The following FARSB variants were observed in gnomAD, a reference collection of about 807,000 sequenced individuals.
FARSB encodes phenylalanine--tRNA ligase beta subunit.
A neutral mutation model predicts 69.6 loss-of-function variants in FARSB; 40 were observed. The ratio of observed to expected loss-of-function variants is 0.57; its 90% CI spans 0.45 to 0.75. The LOEUF is 0.75. Among genes scored for constraint, FARSB ranks in the 30% least tolerant of loss-of-function variants. The pLI is 0.00. For synonymous variants in FARSB, 235 were observed against 247.2 expected (o/e 0.95, Z 0.46); for missense variants, 632 against 722.9 (o/e 0.87, Z 1.44).
intron 1 of FARSB, among the ~76,000 whole-genome samples, chr2:222,651,834 G>C (rs973602445): frequency 1.3e-5 from 2 of 152,186 alleles, no homozygotes; most frequent in African/African-American, 2.4e-5. Flanking sequence ...GCAGTAAGTA[G>C]ACTGAGAAAA....
chr2:222,613,665 C>T (rs1690915255), intron 15 of FARSB, 146 bp downstream of exon 15: 1 of 531,236 alleles, frequency 1.9e-6, no homozygotes, highest in African/African-American at 1.9e-5. Flanking sequence ...AGAAGCCTGT[C>T]CATGTGTTGG....
rs150779234 is a variant in FARSB, at chr2:222,642,575, C to T, written c.269+276G>A. 4.7e-3 allele frequency among the ~76,000 whole-genome samples: 714 copies of T among 152,306 alleles called. 9 individuals are homozygous for T. Among genetic ancestry groups the T allele is most frequent in the Non-Finnish European group, 3.7e-3 (251 of 68,036 alleles). On this transcript the variant is annotated intron_variant, in intron 3 of 16. Coordinates refer to ENST00000281828, the MANE Select transcript of FARSB (RefSeq NM_005687.5). The stretch of plus-strand genomic sequence containing the variant: ...AGATCACGGAGGGGAATCACACACA[C>T]CTGCTAAATAATTTTTTAAGACGCC...
At chr2:222,652,934 G>A (rs1288160065) in intron 1 of FARSB, among the ~76,000 whole-genome samples, 1 of 152,172 alleles carries the variant, frequency 6.6e-6, no homozygotes, top group African/African-American at 2.4e-5. Context: ...CCTTTCAGCT[G>A]TTATTTCATG....
At chr2:222,637,663 G>A (rs1445759084) in intron 5 of FARSB, among the ~76,000 whole-genome samples, 1 of 152,128 alleles carries the variant, frequency 6.6e-6, no homozygotes, top group East Asian at 1.9e-4. Context: ...GAAAAAATAA[G>A]AGAAGAATCA....
chr2:222,644,491 G>A, intron 2 of FARSB: 1 of 451,090 alleles, frequency 2.2e-6, no homozygotes, highest in Non-Finnish European at 4.5e-6. Context: ...CAATCAAAGG[G>A]GTTAATAAAA....
chr2:222,639,319 A>G (rs764785759), intron 5 of FARSB, among the ~76,000 whole-genome samples: 2 of 152,198 alleles, frequency 1.3e-5, no homozygotes, highest in Admixed American at 6.5e-5. Flanking sequence ...TATTCAAAAT[A>G]TACCTCCTGT....
At chr2:222,610,342 C>A (rs1690813877) in intron 15 of FARSB, among the ~76,000 whole-genome samples, 1 of 151,968 alleles carries the variant, frequency 6.6e-6, no homozygotes, top group Admixed American at 6.6e-5. Context: ...TAATGTGAAT[C>A]CAACAGAGAA....
intron 15 of FARSB, 27 bp downstream of exon 15, chr2:222,613,784 A>G (rs1690920254): frequency 4.5e-6 from 6 of 1,348,144 alleles, no homozygotes; most frequent in Non-Finnish European, 5.3e-6. Context: ...AAATACACAA[A>G]TCAAATCAAA....
intron 13 of FARSB, among the ~76,000 whole-genome samples, chr2:222,622,526 A>T (rs1691164732): frequency 6.6e-6 from 1 of 152,248 alleles, no homozygotes; most frequent in Non-Finnish European, 1.5e-5. Context: ...GTTTTAAAAA[A>T]TAAAAATATA....
At chr2:222,637,740 C>A (rs1559213596) in intron 5 of FARSB, among the ~76,000 whole-genome samples, 1 of 152,120 alleles carries the variant, frequency 6.6e-6, no homozygotes. Flanking sequence ...AACCCCAGCA[C>A]TTTAGGAGGC....
At chr2:222,599,171 A>G (rs193035392) in intron 16 of FARSB, among the ~76,000 whole-genome samples, 2 of 152,338 alleles carry the variant, frequency 1.3e-5, no homozygotes, top group African/African-American at 4.8e-5. Context: ...GAAATTTAAG[A>G]TGCCAAATAG....
Position 222,656,025 on chromosome 2 carries a change from G to C in FARSB, c.49C>G (p.Arg17Gly). The C allele has an allele frequency of 1.9e-6, 3 of 1,594,906 alleles. No individual in the cohort carries two copies. Among genetic ancestry groups the C allele is most frequent in the Admixed American group, 1.8e-5 (1 of 56,736 alleles). The change falls in exon 1 of 17, where the codon CGC becomes GGC. Residue 17 changes from arginine to glycine, a missense_variant. By Grantham distance (125) the Arg-to-Gly change is moderately radical. Coordinates refer to ENST00000281828, the MANE Select transcript of FARSB (RefSeq NM_005687.5). ...TAGGGCCGCCACTCACTGTAGGTGC[G>C]GCCCAGGGCTTGGAAGAGCAGATCA... is the stretch of plus-strand genomic sequence containing the variant. ...KRDLLFQALG[R>G]TYTDEEFDEL... is the part of the protein sequence containing the mutation.
Position 222,567,309 on chromosome 2 carries a change from G to A in FARSB, c.*4562C>T, listed in dbSNP as rs1307176662. On this transcript the variant is annotated 3_prime_UTR_variant, in exon 17 of 17. Coordinates refer to ENST00000281828, the MANE Select transcript of FARSB (RefSeq NM_005687.5). The stretch of plus-strand genomic sequence containing the variant: ...AAGCCAGAACTTGGATATCAGATGG[G>A]TCAAAGGCTTTCAATGCTTAGGAGG... The A allele has an allele frequency of 6.6e-6, 1 of 152,216 alleles. No individual in the cohort carries two copies. The highest frequency in any genetic ancestry group is 1.5e-5 in the Non-Finnish European group (1 of 68,046). 9.4% of individuals were successfully genotyped at this position (152,216 alleles called of 1,614,324 possible).
At chr2:222,604,129 A>T (rs1690639890) in intron 15 of FARSB, among the ~76,000 whole-genome samples, 2 of 151,922 alleles carry the variant, frequency 1.3e-5, no homozygotes, top group African/African-American at 4.8e-5. Context: ...GAGGCAGGAG[A>T]ATGGCGTGAA....
intron 5 of FARSB, 149 bp from the exon 6 acceptor site, chr2:222,634,690 A>T (rs1433377888): frequency 1.8e-6 from 1 of 542,880 alleles, no homozygotes. Flanking sequence ...TCCCTGAAAC[A>T]GCATATTGCT....
chr2:222,580,698 C>G (rs1030567527), intron 16 of FARSB, among the ~76,000 whole-genome samples: 4 of 151,694 alleles, frequency 2.6e-5, no homozygotes, highest in Non-Finnish European at 4.4e-5. Context: ...AAAAATTCCA[C>G]TGGTAGGAAA....
intron 15 of FARSB, among the ~76,000 whole-genome samples, chr2:222,607,343 G>C (rs1287468349): frequency 6.6e-6 from 1 of 152,096 alleles, no homozygotes; most frequent in Non-Finnish European, 1.5e-5. Flanking sequence ...TCTTGCAACA[G>C]ACATAGTTTA....
At chr2:222,615,871 A>G (rs1010208571) in intron 14 of FARSB, among the ~76,000 whole-genome samples, 1 of 152,274 alleles carries the variant, frequency 6.6e-6, no homozygotes, top group African/African-American at 2.4e-5. Context: ...GCAAGTGCCC[A>G]AACCATTCAC....
rs1689662925 is a variant in FARSB at position 222,568,211 on chromosome 2, C to G, written c.*3660G>C. 1 of 152,108 alleles carries G rather than the reference C, an allele frequency of 6.6e-6. No individual in the cohort carries two copies. The highest frequency in any genetic ancestry group is 1.5e-5 in the Non-Finnish European group (1 of 68,028). 9.4% of individuals were successfully genotyped at this position (152,108 alleles called of 1,614,324 possible). On this transcript the variant is annotated 3_prime_UTR_variant, in exon 17 of 17. Transcript: ENST00000281828. The surrounding 1 kb of genome is among the most constrained non-coding windows in gnomAD (Gnocchi z 4.3). ...CAGGAGGAAGAAAGGTAGATTAACTCAGTAAGGCCACAGTTTGCAGAGTTT... is the reference window on the plus strand; with the variant it reads ...CAGGAGGAAGAAAGGTAGATTAACTGAGTAAGGCCACAGTTTGCAGAGTTT...
Sources: allele counts gnomAD v4.1 joint callset (sites outside exome capture counted in the v4.1 genomes callset), GRCh38; gene constraint gnomAD v4.1.1; non-coding constraint Gnocchi (gnomAD v3.1); transcripts MANE v1.5; gene names NCBI Gene and HGNC (gene_info 2026-07-23, HGNC 2026-07-21).